Variants in FBXO22 observed in about 807,000 individuals in gnomAD.
FBXO22 encodes F-box only protein 22.
In FBXO22, 13 loss-of-function variants were observed where a neutral mutation model predicts 37.2. The ratio of observed to expected loss-of-function variants is 0.35; its 90% CI spans 0.23 to 0.56. The LOEUF is 0.56. FBXO22 is among the 20% of genes least tolerant of loss of function. The pLI is 0.87. For synonymous variants in FBXO22, 189 were observed against 189.1 expected (o/e 1.00, Z 0.00); for missense variants, 446 against 509.9 (o/e 0.87, Z 1.21).
intron 2 of FBXO22, among the ~76,000 whole-genome samples, chr15:75,908,662 G>T (rs1169482103): frequency 6.6e-6 from 1 of 152,210 alleles, no homozygotes; most frequent in Non-Finnish European, 1.5e-5. Context: ...AAGAGGGTCA[G>T]GTAGCTCAAT....
intron 2 of FBXO22, among the ~76,000 whole-genome samples, chr15:75,907,725 G>A (rs550213995): frequency 7.3e-5 from 11 of 151,680 alleles, no homozygotes; most frequent in Non-Finnish European, 7.4e-5. Context: ...GTGAAACCCC[G>A]TCTCCACTAA....
At chr15:75,911,487 G>T (rs1050102875) in intron 2 of FBXO22, among the ~76,000 whole-genome samples, 1 of 152,122 alleles carries the variant, frequency 6.6e-6, no homozygotes, top group African/African-American at 2.4e-5. Flanking sequence ...CACATCCCTT[G>T]TAAGTTGTAT....
intron 1 of FBXO22, 162 bp downstream of exon 1, chr15:75,904,265 C>T (rs1899868105): frequency 3.4e-6 from 4 of 1,161,166 alleles, no homozygotes; most frequent in Non-Finnish European, 4.7e-6. Flanking sequence ...ATCTCCCAGC[C>T]GTGGTGCCCC....
At chr15:75,913,148 A>C in intron 2 of FBXO22, 55 bp from the exon 3 acceptor site, 1 of 1,180,052 alleles carries the variant, frequency 8.5e-7, no homozygotes, top group African/African-American at 1.5e-5. Context: ...GGGACTATGC[A>C]GAAGCACTGA....
intron 5 of FBXO22, among the ~76,000 whole-genome samples, chr15:75,917,675 G>C (rs1900220172): frequency 6.6e-6 from 1 of 152,154 alleles, no homozygotes; most frequent in African/African-American, 2.4e-5. Context: ...TGATAAACTT[G>C]TTTGTATTTA....
At chr15:75,907,571 A>G (rs2141701983) in intron 2 of FBXO22, among the ~76,000 whole-genome samples, 1 of 152,196 alleles carries the variant, frequency 6.6e-6, no homozygotes, top group Middle Eastern at 3.4e-3. Flanking sequence ...TATAGCCATA[A>G]AGAAAGTTGA....
chr15:75,933,203 A>G lies in FBXO22; in HGVS notation c.*101A>G, dbSNP rs995254325. The G allele has an allele frequency of 1.5e-5, 15 of 999,704 alleles. No homozygotes were observed. Among genetic ancestry groups the G allele is most frequent in the Middle Eastern group, 3.1e-4 (1 of 3,206 alleles). 61.9% of individuals were successfully genotyped at this position (999,704 alleles called of 1,614,324 possible). A position where few individuals can be genotyped will look rare whatever the true frequency, so the allele number is the denominator to read the frequency against. ...ATTTCAAACAAAAATAACTTTAGATATATCTTTTTTGTAGCTTTGATTGAT... is the reference window on the plus strand; with the variant it reads ...ATTTCAAACAAAAATAACTTTAGATGTATCTTTTTTGTAGCTTTGATTGAT... On this transcript the variant is annotated 3_prime_UTR_variant, in exon 7 of 7. Coordinates refer to ENST00000308275, the MANE Select transcript of FBXO22 (RefSeq NM_147188.3).
chr15:75,938,591 TAAA>T lies in FBXO22; in HGVS notation c.*5494_*5496del, dbSNP rs911220537. 1 of 152,112 alleles carries T rather than the reference TAAA, an allele frequency of 6.6e-6. No homozygotes were observed. The allele number at this position is 152,112 out of a possible 1,614,324, so 9.4% of individuals were successfully genotyped here. ...TCAGAATATCAACAGATAGGCATTATAAAAAAATTCTGGCAGAGAAAAGTATAA... is the reference window on the plus strand; with the variant it reads ...TCAGAATATCAACAGATAGGCATTATAAAATTCTGGCAGAGAAAAGTATAA... On this transcript the variant is annotated 3_prime_UTR_variant, in exon 7 of 7. Coordinates refer to ENST00000308275, the MANE Select transcript of FBXO22 (RefSeq NM_147188.3).
chr15:75,906,229 GT>G (rs1449758192), intron 2 of FBXO22, among the ~76,000 whole-genome samples: 1 of 151,974 alleles, frequency 6.6e-6, no homozygotes, highest in Non-Finnish European at 1.5e-5. Context: ...ACCTGCCTTG[GT>G]CCTGGAATTG....
intron 5 of FBXO22, among the ~76,000 whole-genome samples, chr15:75,929,545 A>T (rs922771809): frequency 3.3e-5 from 5 of 150,448 alleles, no homozygotes; most frequent in African/African-American, 1.2e-4. Context: ...ACTGAGAGCC[A>T]GCTTGCACCT....
intron 2 of FBXO22, 81 bp downstream of exon 2, chr15:75,904,710 GT>G (rs1899882598): frequency 7.3e-7 from 1 of 1,362,518 alleles, no homozygotes; most frequent in African/African-American, 2.0e-5. Context: ...TTAAATCCCA[GT>G]TTTGTTAATT....
In FBXO22 at chr15:75,936,217, C is replaced by T. The variant is rs2030323721; in HGVS notation, c.*3115C>T. The T allele has an allele frequency of 6.6e-6, 1 of 152,196 alleles. No individual in the cohort carries two copies. Among genetic ancestry groups the T allele is most frequent in the African/African-American group, 2.4e-5 (1 of 41,450 alleles). 9.4% of individuals were successfully genotyped at this position (152,196 alleles called of 1,614,324 possible). A position where few individuals can be genotyped will look rare whatever the true frequency, so the allele number is the denominator to read the frequency against. On this transcript the variant is annotated 3_prime_UTR_variant, in exon 7 of 7. Coordinates refer to ENST00000308275, the MANE Select transcript of FBXO22 (RefSeq NM_147188.3). ...CAGTTTTAATGGGAACAGAAGACTC[C>T]AGATCCTCTTGATGGGAAGAAATCA...
At chr15:75,930,538 G>T (rs926241240) in intron 6 of FBXO22, 2 of 986,740 alleles carry the variant, frequency 2.0e-6, no homozygotes, top group African/African-American at 3.5e-5. Flanking sequence ...CTTGCAAGTC[G>T]TACTGGTTTT....
chr15:75,911,860 T>G (rs1040781957), intron 2 of FBXO22, among the ~76,000 whole-genome samples: 3 of 149,482 alleles, frequency 2.0e-5, no homozygotes, highest in African/African-American at 7.4e-5. Context: ...AAGAGAATGC[T>G]TCCAGCTTTT....
Position 75,940,371 on chromosome 15 carries a change from G to A in FBXO22, c.*7269G>A, listed in dbSNP as rs2030820574. The A allele has an allele frequency of 6.6e-6, 1 of 151,608 alleles. No homozygotes were observed. Among genetic ancestry groups the A allele is most frequent in the African/African-American group, 2.4e-5 (1 of 41,298 alleles). The allele number at this position is 151,608 out of a possible 1,614,324, so 9.4% of individuals were successfully genotyped here. A position where few individuals can be genotyped will look rare whatever the true frequency, so the allele number is the denominator to read the frequency against. ...AAACGGAAATACATCTCATGTTCAT[G>A]GATTGGAAAATCTAATGTTAATATG... On this transcript the variant is annotated 3_prime_UTR_variant, in exon 7 of 7. Coordinates refer to ENST00000308275, the MANE Select transcript of FBXO22 (RefSeq NM_147188.3).
Position 75,936,948 on chromosome 15 carries a change from AGATT to A in FBXO22, c.*3851_*3854del, listed in dbSNP as rs368733592. On this transcript the variant is annotated 3_prime_UTR_variant, in exon 7 of 7. Coordinates refer to ENST00000308275, the MANE Select transcript of FBXO22 (RefSeq NM_147188.3). ...GACTGTTAGCCAGTAAAAACAGGGA[AGATT>A]GATTAATTTAGAAGAAATTGAAAGA... 6.6e-5 allele frequency: 10 copies of A among 152,286 alleles called. No homozygotes were observed. The highest frequency in any genetic ancestry group is 1.9e-4 in the African/African-American group (8 of 41,548). 9.4% of individuals were successfully genotyped at this position (152,286 alleles called of 1,614,324 possible).
intron 5 of FBXO22, among the ~76,000 whole-genome samples, chr15:75,918,150 TTGCATAGA>T (rs1166436006): frequency 2.0e-5 from 3 of 152,220 alleles, no homozygotes; most frequent in Non-Finnish European, 4.4e-5. Flanking sequence ...CACCTCATTT[TTGCATAGA>T]TCAGCCAGCC....
At chr15:75,913,040 A>G (rs1164445355) in intron 2 of FBXO22, among the ~76,000 whole-genome samples, 163 bp from the exon 3 acceptor site, 1 of 152,152 alleles carries the variant, frequency 6.6e-6, no homozygotes, top group Non-Finnish European at 1.5e-5. Flanking sequence ...GTCATTCAGT[A>G]GCAGGTTGTT....
At position 75,914,172 on chromosome 15, in the gene FBXO22, CA is replaced by C. The variant is rs975568563; in HGVS notation, c.432del (p.Val145SerfsTer5). ...TGAGAAGCTATTCCCCAAACAATGCCAAGTCCTTGGGATTGTGACCCCAGGA... is the reference window on the plus strand; with the variant it reads ...TGAGAAGCTATTCCCCAAACAATGCCAGTCCTTGGGATTGTGACCCCAGGA... ...ALEKLFPKQC[Q>X]VLGIVTPGIV... On this transcript the variant is annotated frameshift_variant, in exon 4 of 7. Coordinates refer to ENST00000308275, the MANE Select transcript of FBXO22 (RefSeq NM_147188.3). LOFTEE classifies it high-confidence loss of function. 1 of 1,613,668 alleles carries C rather than the reference CA, an allele frequency of 6.2e-7. No homozygotes were observed. Among genetic ancestry groups the C allele is most frequent in the Non-Finnish European group, 8.5e-7 (1 of 1,179,778 alleles).
Sources: gnomAD v4.1 joint callset for allele counts (sites outside exome capture counted in the v4.1 genomes callset) on GRCh38, gnomAD v4.1.1 for gene constraint, MANE v1.5 for transcripts, NCBI Gene and HGNC (gene_info 2026-07-23, HGNC 2026-07-21) for gene names.